TBC1D12: variants seen among roughly 807,000 people sequenced by gnomAD.
The protein encoded by TBC1D12 is TBC1 domain family member 12, also known as TBC1 domain family, member 12.
A neutral mutation model predicts 86.7 loss-of-function variants in TBC1D12; 56 were observed. That is an observed-to-expected ratio of 0.65 (90% CI 0.52 to 0.81). The LOEUF is 0.81. Among genes scored for constraint, TBC1D12 ranks in the 30% least tolerant of loss-of-function variants. The pLI is 0.00. For synonymous variants in TBC1D12, 421 were observed against 411.7 expected (o/e 1.02, Z -0.27); for missense variants, 1,023 against 1,038.8 (o/e 0.98, Z 0.21).
At chr10:94,495,244 G>A (rs1237999033) in intron 4 of TBC1D12, among the ~76,000 whole-genome samples, 4 of 151,350 alleles carry the variant, frequency 2.6e-5, no homozygotes, top group South Asian at 2.1e-4. Context: ...GGCTGGTCTC[G>A]AACTCTTGAC....
intron 11 of TBC1D12, among the ~76,000 whole-genome samples, chr10:94,530,865 T>C (rs2134237899): frequency 6.8e-6 from 1 of 147,826 alleles, no homozygotes; most frequent in Non-Finnish European, 1.5e-5. Flanking sequence ...TTTTTTTTTT[T>C]TTTTTTTTTT....
At chr10:94,421,215 A>G (rs995115288) in intron 1 of TBC1D12, among the ~76,000 whole-genome samples, 1 of 151,986 alleles carries the variant, frequency 6.6e-6, no homozygotes, top group African/African-American at 2.4e-5. Flanking sequence ...GGTAACCACT[A>G]TTCTACTCTC....
At chr10:94,464,333 T>G (rs1471529218) in intron 2 of TBC1D12, among the ~76,000 whole-genome samples, 2 of 152,222 alleles carry the variant, frequency 1.3e-5, no homozygotes, top group African/African-American at 4.8e-5. Flanking sequence ...TGCCCTCTTT[T>G]GGGTTGAATG....
intron 2 of TBC1D12, among the ~76,000 whole-genome samples, chr10:94,449,791 A>T (rs2055522781): frequency 6.6e-6 from 1 of 152,152 alleles, no homozygotes; most frequent in Non-Finnish European, 1.5e-5. Context: ...TTTGAAGGAG[A>T]AGCTTCTATG....
chr10:94,497,096 C>T lies in TBC1D12; in HGVS notation c.1336C>T (p.Arg446Ter), dbSNP rs769695281. Residue 446 changes from arginine to a stop codon, truncating the protein, a stop_gained, in exon 5 of 13, where the codon CGA (arginine) becomes TGA (stop). Transcript: ENST00000225235. LOFTEE classifies it high-confidence loss of function. The stretch of plus-strand genomic sequence containing the variant: ...TAAAAGAAAAAGAATCATGAAAGAA[C>T]GATTTAAGCAGGAAGAAAATATTGC... ...AHKRKRIMKERFKQEENIASA... is the reference protein window; with the variant it reads ...AHKRKRIMKE 5.8e-6 allele frequency: 9 copies of T among 1,564,636 alleles called. No homozygotes were observed. The highest frequency in any genetic ancestry group is 1.2e-5 in the South Asian group (1 of 83,444).
At chr10:94,451,715 C>G (rs1465702321) in intron 2 of TBC1D12, among the ~76,000 whole-genome samples, 1 of 152,070 alleles carries the variant, frequency 6.6e-6, no homozygotes, top group African/African-American at 2.4e-5. Flanking sequence ...CAGGTGATAT[C>G]TTATCTCTTT....
chr10:94,497,202 A>C, intron 5 of TBC1D12, 30 bp downstream of exon 5: 2 of 1,298,958 alleles, frequency 1.5e-6, no homozygotes, highest in Non-Finnish European at 2.1e-6. Flanking sequence ...CTAAATTCCC[A>C]TTTGTCTCCG....
Position 94,434,861 on chromosome 10 carries a change from T to C in TBC1D12, c.972-7035T>C, listed in dbSNP as rs139113407. 3.3e-4 allele frequency among the ~76,000 whole-genome samples: 51 copies of C among 152,290 alleles called. 1 individual carries two copies. In the East Asian group the frequency reaches 9.5e-3, roughly 28 times the overall value. ...GGTCGAGCTCTTTTTATTTTGTCAT[T>C]GATCCATTCTGAGAGTGGAACCCTT... On this transcript the variant is annotated intron_variant, in intron 1 of 12. Transcript: ENST00000225235.
intron 2 of TBC1D12, among the ~76,000 whole-genome samples, chr10:94,457,244 C>T (rs920211920): frequency 2.0e-4 from 30 of 152,182 alleles, no homozygotes; most frequent in African/African-American, 6.7e-4. Flanking sequence ...TCCTAATGCT[C>T]TCCCTCCCCT....
intron 4 of TBC1D12, among the ~76,000 whole-genome samples, chr10:94,495,402 C>T (rs561840185): frequency 4.8e-4 from 73 of 152,322 alleles, no homozygotes; most frequent in African/African-American, 1.7e-3. Flanking sequence ...CTCCTGGCCT[C>T]AAGCAATTCT....
chr10:94,473,076 C>G (rs576795793), intron 2 of TBC1D12, among the ~76,000 whole-genome samples: 1 of 151,910 alleles, frequency 6.6e-6, no homozygotes, highest in Admixed American at 6.6e-5. Flanking sequence ...TAATCAAGGC[C>G]GGGCACGGTG....
At chr10:94,426,203 A>G (rs535476028) in intron 1 of TBC1D12, among the ~76,000 whole-genome samples, 2 of 152,304 alleles carry the variant, frequency 1.3e-5, no homozygotes, top group South Asian at 4.1e-4. Context: ...TTTGAAAGGG[A>G]ATGGCAAAAG....
chr10:94,450,258 C>T (rs992690699), intron 2 of TBC1D12, among the ~76,000 whole-genome samples: 2 of 151,892 alleles, frequency 1.3e-5, no homozygotes, highest in Admixed American at 1.3e-4. Context: ...TCATATGTAA[C>T]TATAATATTG....
Position 94,403,301 on chromosome 10 carries a change from A to G in TBC1D12, c.688A>G (p.Ser230Gly). 6.6e-7 allele frequency: 1 copy of G among 1,510,742 alleles called. No homozygotes were observed. 93.6% of individuals were successfully genotyped at this position (1,510,742 alleles called of 1,614,324 possible). Residue 230 changes from serine (S) to glycine (G), a missense_variant, in exon 1 of 13, where the codon AGC becomes GGC. Around this residue, in one of 2 missense-constraint regions of TBC1D12, gnomAD observed 628 missense variants for 531.1 expected, o/e 1.18. Transcript: ENST00000225235. ...GDSPASSCSS[S>G]EDSEQRGVGA... ...CAGCCCCGCCAGCAGCTGCAGCAGT[A>G]GCGAGGACTCAGAGCAGCGGGGAGT... is the stretch of plus-strand genomic sequence containing the variant.
intron 1 of TBC1D12, among the ~76,000 whole-genome samples, chr10:94,407,957 C>T (rs1461814990): frequency 1.3e-5 from 2 of 152,150 alleles, no homozygotes; most frequent in Admixed American, 1.3e-4. Flanking sequence ...CAGAGTGAGA[C>T]CATGTCTCTT....
At chr10:94,449,583 T>A (rs1451709528) in intron 2 of TBC1D12, among the ~76,000 whole-genome samples, 2 of 151,714 alleles carry the variant, frequency 1.3e-5, no homozygotes, top group Non-Finnish European at 2.9e-5. Flanking sequence ...AGGTGGGGAG[T>A]TTTTCTGCTT....
Position 94,405,025 on chromosome 10 carries a change from GAATA to G in TBC1D12, c.971+1443_971+1446del, listed in dbSNP as rs551597603. On this transcript the variant is annotated intron_variant, in intron 1 of 12. Coordinates refer to ENST00000225235, the MANE Select transcript of TBC1D12 (RefSeq NM_015188.2). ...TCGAGCCATTGCACTGAAACCTGGGGAATAAGAGCTAGACTTCTCTCAAAAAAAA... is the reference window on the plus strand; with the variant it reads ...TCGAGCCATTGCACTGAAACCTGGGGAGAGCTAGACTTCTCTCAAAAAAAA... Among the ~76,000 whole-genome samples, 575 of 146,504 alleles carry G rather than the reference GAATA, an allele frequency of 3.9e-3. 2 individuals carry two copies. Among genetic ancestry groups the G allele is most frequent in the African/African-American group, 0.013 (522 of 39,348 alleles).
chr10:94,511,520 A>C, intron 8 of TBC1D12, 63 bp from the exon 9 acceptor site: 1 of 982,410 alleles, frequency 1.0e-6, no homozygotes, highest in Non-Finnish European at 1.6e-6. Flanking sequence ...TTAACATGTT[A>C]TATGAAAATT....
In TBC1D12 at chr10:94,488,386, C is replaced by CTTTTTTTTTT. The variant is rs770258959; in HGVS notation, c.1212-4966_1212-4957dup. Among the ~76,000 whole-genome samples the CTTTTTTTTTT allele has an allele frequency of 8.0e-5, 6 of 74,810 alleles. 2 individuals carry two copies. Among genetic ancestry groups the CTTTTTTTTTT allele is most frequent in the African/African-American group, 3.3e-4 (6 of 18,328 alleles). 49.1% of individuals were successfully genotyped at this position (74,810 alleles called of 152,430 possible). ...GTTTGTTATTCAGGGCCCAAGGGGT[C>CTTTTTTTTTT]TTTTTTTTTTTTTTTTTTTTTTGAG... On this transcript the variant is annotated intron_variant, in intron 3 of 12. Transcript: ENST00000225235.
Sources: allele counts gnomAD v4.1 joint callset (sites outside exome capture counted in the v4.1 genomes callset), GRCh38; gene constraint gnomAD v4.1.1; regional missense constraint gnomAD v4.1.1; transcripts MANE v1.5; gene names NCBI Gene and HGNC (gene_info 2026-07-23, HGNC 2026-07-21).